Variants in NUP210 observed in about 807,000 individuals in gnomAD.
NUP210 encodes nuclear pore membrane glycoprotein 210.
NUP210 carries 151 observed loss-of-function variants against 196.0 expected under a neutral mutation model. The observed-to-expected ratio is 0.77, with a 90% CI of 0.67 to 0.88. The LOEUF is 0.88. Among genes scored for constraint, NUP210 ranks in the 40% least tolerant of loss-of-function variants. NUP210 has a pLI of 0.00. For missense variants in NUP210, 2,314 were observed against 2,493.7 expected (o/e 0.93, Z 1.53); for synonymous variants, 1,070 against 1,052.7 (o/e 1.02, Z -0.32).
At chr3:13,319,015 G>C in intron 39 of NUP210, 57 bp downstream of exon 39, 1 of 1,507,204 alleles carries the variant, frequency 6.6e-7, no homozygotes, top group Non-Finnish European at 9.0e-7. Context: ...CCCTCCCCCA[G>C]GGCTCTTCTC....
chr3:13,376,883 G>A (rs3796320), intron 9 of NUP210, among the ~76,000 whole-genome samples: 27,463 of 151,266 alleles, frequency 0.18, 2,542 homozygotes, highest in East Asian at 0.3. Flanking sequence ...AACCTCCAAC[G>A]CCACCTGAAG....
At position 13,368,640 on chromosome 3, in the gene NUP210, T is replaced by A. The variant is rs568733056; in HGVS notation, c.1787-2549A>T. 5.3e-5 allele frequency among the ~76,000 whole-genome samples: 8 copies of A among 152,350 alleles called. No individual in the cohort carries two copies. The South Asian group carries it at 1.7e-3, about 32-fold the overall frequency. On this transcript the variant is annotated intron_variant, in intron 13 of 39. Coordinates refer to ENST00000254508, the MANE Select transcript of NUP210 (RefSeq NM_024923.4). ...CATTATACTTCCTATCTTCATGAAT[T>A]TTATTACTCTAGGTATCTCATACAA...
rs146112308 is a variant in NUP210 at position 13,342,089 on chromosome 3, C to T, written c.2999G>A (p.Arg1000His). 47 of 1,614,054 alleles carry T rather than the reference C, an allele frequency of 2.9e-5. No homozygotes were observed. The highest frequency in any genetic ancestry group is 4.5e-5 in the East Asian group (2 of 44,900). Residue 1000 changes from arginine (R) to histidine (H), a missense_variant, in exon 22 of 40, where the codon CGC (arginine) becomes CAC (histidine). Arg to His is a conservative substitution (Grantham distance 29). Coordinates refer to ENST00000254508, the MANE Select transcript of NUP210 (RefSeq NM_024923.4). ...EIGKTVKAYV[R>H]VLDLHKKPFL... ...GGGCTTCTTGTGCAAGTCCAGCACGCGGACGTATGCCTTCACTGTCTTCCC... is the reference window on the plus strand; with the variant it reads ...GGGCTTCTTGTGCAAGTCCAGCACGTGGACGTATGCCTTCACTGTCTTCCC...
At chr3:13,404,533 T>C (rs1280067149) in intron 1 of NUP210, among the ~76,000 whole-genome samples, 1 of 152,222 alleles carries the variant, frequency 6.6e-6, no homozygotes, top group Non-Finnish European at 1.5e-5. Flanking sequence ...CTAATGTTAG[T>C]TGTAACTTAA....
chr3:13,365,344 T>C (rs1477972817), intron 14 of NUP210, among the ~76,000 whole-genome samples: 1 of 152,068 alleles, frequency 6.6e-6, no homozygotes, highest in Non-Finnish European at 1.5e-5. Context: ...AGGCAGGGAA[T>C]GTAAGGCCCA....
chr3:13,346,324 A>T (rs564219031), intron 20 of NUP210, among the ~76,000 whole-genome samples: 1 of 152,094 alleles, frequency 6.6e-6, no homozygotes, highest in East Asian at 1.9e-4. Flanking sequence ...TCCTAACTAC[A>T]CTGTGCATGC....
chr3:13,398,842 G>C (rs572711002), intron 2 of NUP210, among the ~76,000 whole-genome samples: 4 of 152,250 alleles, frequency 2.6e-5, no homozygotes, highest in Admixed American at 2.6e-4. Flanking sequence ...GCTGAGGCAG[G>C]AGGATTGCTT....
At chr3:13,384,615 G>T (rs1452841721) in intron 6 of NUP210, among the ~76,000 whole-genome samples, 1 of 152,196 alleles carries the variant, frequency 6.6e-6, no homozygotes, top group Non-Finnish European at 1.5e-5. Context: ...ACTTACAACT[G>T]CCCAACACTG....
At chr3:13,378,883 C>T (rs115522829) in intron 8 of NUP210, 29 bp downstream of exon 8, 1 of 1,525,668 alleles carries the variant, frequency 6.6e-7, no homozygotes, top group African/African-American at 1.4e-5. Flanking sequence ...TGAGCAGCAT[C>T]CATGAGGGCC....
chr3:13,388,463 G>A lies in NUP210; in HGVS notation c.534-10C>T, dbSNP rs756281162. On this transcript the variant is annotated splice_polypyrimidine_tract_variant and intron_variant, in intron 4 of 39. Transcript: ENST00000254508. ...CAAGAAAGTGAGGATTCTGGAAAAG[G>A]AGCACGTTGTCAAAGTTTGTTGATC... is the stretch of plus-strand genomic sequence containing the variant. The A allele has an allele frequency of 1.9e-6, 3 of 1,584,698 alleles. No individual in the cohort carries two copies. Among genetic ancestry groups the A allele is most frequent in the South Asian group, 1.2e-5 (1 of 86,342 alleles).
At chr3:13,371,775 A>G in intron 13 of NUP210, 59 bp downstream of exon 13, 1 of 1,488,260 alleles carries the variant, frequency 6.7e-7, no homozygotes, top group Non-Finnish European at 9.2e-7. Context: ...CATGCTGAGA[A>G]CCCAGACAAT....
intron 13 of NUP210, among the ~76,000 whole-genome samples, chr3:13,371,201 C>T (rs1698718442): frequency 6.6e-6 from 1 of 152,176 alleles, no homozygotes; most frequent in Non-Finnish European, 1.5e-5. Flanking sequence ...CAGTGTCAGC[C>T]ACGCCCAGAT....
chr3:13,376,259 C>A, intron 10 of NUP210, 32 bp downstream of exon 10: 2 of 1,611,128 alleles, frequency 1.2e-6, no homozygotes, highest in Non-Finnish European at 8.5e-7. Flanking sequence ...CTTCATAGGA[C>A]AAGGCACGAC....
chr3:13,396,110 G>GC (rs938084981), intron 3 of NUP210, among the ~76,000 whole-genome samples: 1 of 152,120 alleles, frequency 6.6e-6, no homozygotes, highest in Admixed American at 6.5e-5. Flanking sequence ...CAGTGGTTTG[G>GC]CCCCCCAGGG....
At chr3:13,370,587 C>T (rs1008273727) in intron 13 of NUP210, among the ~76,000 whole-genome samples, 3 of 152,172 alleles carry the variant, frequency 2.0e-5, no homozygotes, top group African/African-American at 7.2e-5. Context: ...GGGAGTGGTT[C>T]GTGTCCTGCT....
At chr3:13,353,522 T>C in intron 18 of NUP210, 32 bp downstream of exon 18, 2 of 1,546,192 alleles carry the variant, frequency 1.3e-6, no homozygotes, top group African/African-American at 1.4e-5. Flanking sequence ...CCGCTACCCA[T>C]AGCCCACCCA....
intron 15 of NUP210, 120 bp downstream of exon 15, chr3:13,360,150 G>T: frequency 1.2e-6 from 1 of 824,700 alleles, no homozygotes; most frequent in Non-Finnish European, 1.9e-6. Context: ...CTGTAAAATG[G>T]GTACAATAGG....
intron 1 of NUP210, among the ~76,000 whole-genome samples, chr3:13,404,494 T>C (rs1431481652): frequency 6.6e-6 from 1 of 152,242 alleles, no homozygotes; most frequent in African/African-American, 2.4e-5. Context: ...TCTGTGTTAT[T>C]CTAACTTCTA....
intron 1 of NUP210, among the ~76,000 whole-genome samples, chr3:13,400,602 C>A (rs1176205719): frequency 1.3e-5 from 2 of 152,216 alleles, no homozygotes; most frequent in African/African-American, 2.4e-5. Context: ...TGACGAGAGG[C>A]AGAGGACAGC....
Sources: gnomAD v4.1 joint callset for allele counts (sites outside exome capture counted in the v4.1 genomes callset) on GRCh38, gnomAD v4.1.1 for gene constraint, MANE v1.5 for transcripts, NCBI Gene and HGNC (gene_info 2026-07-23, HGNC 2026-07-21) for gene names.